EFCAB6: variants seen among roughly 807,000 people sequenced by gnomAD.
EFCAB6 encodes the protein EF-hand calcium-binding domain-containing protein 6.
A neutral mutation model predicts 169.8 loss-of-function variants in EFCAB6; 156 were observed. The ratio of observed to expected loss-of-function variants is 0.92; its 90% CI spans 0.81 to 1.05. The LOEUF (loss-of-function observed/expected upper bound fraction) is 1.05. EFCAB6 is among the 50% of genes least tolerant of loss of function. The pLI is 0.00. For missense variants in EFCAB6, 1,800 were observed against 1,829.1 expected, an observed-to-expected ratio of 0.98 and a Z score of 0.29; for synonymous variants, 698 against 676.4, an observed-to-expected ratio of 1.03 and a Z score of -0.50.
chr22:43,737,975 C>A (rs187000143), intron 6 of EFCAB6, among the ~76,000 whole-genome samples: 272 of 151,226 alleles, frequency 1.8e-3, no homozygotes, highest in Non-Finnish European at 5.9e-4. Context: ...CACTCACACA[C>A]ATATATTCGC....
At position 43,575,278 on chromosome 22, in the gene EFCAB6, C is replaced by A. The variant is rs1382326259; in HGVS notation, c.3420+1019G>T. On this transcript the variant is annotated intron_variant, in intron 26 of 31. Transcript: ENST00000262726. ...CAATCTCGGCTCACTGCAACCTCCG[C>A]CTCCTGGGTTCAGGTGATTCTCCAG... Among the ~76,000 whole-genome samples the A allele has an allele frequency of 2.0e-5, 3 of 151,964 alleles. No homozygotes were observed. In the East Asian group the frequency reaches 5.8e-4, roughly 29 times the overall value.
intron 23 of EFCAB6, among the ~76,000 whole-genome samples, chr22:43,593,464 A>G (rs2051727182): frequency 6.6e-6 from 1 of 152,228 alleles, no homozygotes; most frequent in East Asian, 1.9e-4. Context: ...AGAAGACACG[A>G]GTGGGTAATG....
intron 17 of EFCAB6, among the ~76,000 whole-genome samples, chr22:43,661,432 G>C (rs1480412191): frequency 2.6e-5 from 4 of 152,158 alleles, no homozygotes; most frequent in Non-Finnish European, 5.9e-5. Flanking sequence ...CTTTGGTGGA[G>C]AATTTCAGAA....
At chr22:43,675,662 A>G (rs2057724752) in intron 13 of EFCAB6, among the ~76,000 whole-genome samples, 1 of 146,946 alleles carries the variant, frequency 6.8e-6, no homozygotes, top group Admixed American at 6.9e-5. Flanking sequence ...ATAATATATA[A>G]TAATTCCATT....
chr22:43,630,885 T>C (rs545842232), intron 19 of EFCAB6, among the ~76,000 whole-genome samples: 1 of 150,814 alleles, frequency 6.6e-6, no homozygotes, highest in East Asian at 1.9e-4. Context: ...TGTATGCATA[T>C]GGCGATCATA....
intron 12 of EFCAB6, among the ~76,000 whole-genome samples, chr22:43,679,476 T>A (rs1431681489): frequency 1.3e-5 from 2 of 152,234 alleles, no homozygotes; most frequent in Non-Finnish European, 2.9e-5. Flanking sequence ...TGTGGACATG[T>A]TTTTATTTCT....
intron 24 of EFCAB6, 33 bp downstream of exon 24, chr22:43,590,041 A>C (rs764094067): frequency 3.4e-5 from 54 of 1,598,180 alleles, no homozygotes; most frequent in Non-Finnish European, 4.3e-5. Context: ...TTTCAGGGCC[A>C]TGAGAAACAT....
At chr22:43,789,212 T>C (rs1484183148) in intron 2 of EFCAB6, among the ~76,000 whole-genome samples, 1 of 152,190 alleles carries the variant, frequency 6.6e-6, no homozygotes, top group Non-Finnish European at 1.5e-5. Context: ...TTGCACAACT[T>C]TGTAAATATA....
chr22:43,551,010 C>A (rs1226807716), intron 27 of EFCAB6, among the ~76,000 whole-genome samples: 1 of 152,188 alleles, frequency 6.6e-6, no homozygotes, highest in African/African-American at 2.4e-5. Flanking sequence ...AAGCTGGCCC[C>A]TCACGTTCGT....
intron 30 of EFCAB6, chr22:43,533,566 G>T (rs1008838550): frequency 2.0e-4 from 31 of 152,322 alleles, no homozygotes; most frequent in African/African-American, 6.5e-4. Flanking sequence ...TTACTTTCAA[G>T]AAAATACATT....
intron 17 of EFCAB6, among the ~76,000 whole-genome samples, chr22:43,639,989 T>C (rs1276680259): frequency 6.6e-6 from 1 of 152,156 alleles, no homozygotes; most frequent in Non-Finnish European, 1.5e-5. Flanking sequence ...TTCCATATGG[T>C]TCTTCTTATA....
At position 43,530,845 on chromosome 22, in the gene EFCAB6, T is replaced by C. The variant is rs35982593; in HGVS notation, c.4353A>G (p.Thr1451=). 1.2e-3 allele frequency: 2,005 copies of C among 1,614,094 alleles called. 6 individuals are homozygous for C. The Middle Eastern group carries it at 0.013, about 11-fold the overall frequency. ...RTFKSYDEAG[T]GLLSVADFRT... ...TGAAATCTGCGACGCTTAGCAGCCC[T>C]GTTCCAGCCTCATCATAGCTTTTGA... is the stretch of plus-strand genomic sequence containing the variant. The change falls in exon 31 of 32, where the codon ACA becomes ACG. Residue 1451 remains threonine (T), a synonymous_variant. Coordinates refer to ENST00000262726, the MANE Select transcript of EFCAB6 (RefSeq NM_022785.4).
At chr22:43,784,676 T>TATGTGTGTATATATACACAC (rs1439765812) in intron 2 of EFCAB6, among the ~76,000 whole-genome samples, 5 of 63,134 alleles carry the variant, frequency 7.9e-5, no homozygotes, top group African/African-American at 2.7e-4. Flanking sequence ...TATACATATA[T>TATGTGTGTATATATACACAC]ACACACACAC....
chr22:43,622,009 A>G (rs1029742907), intron 20 of EFCAB6, among the ~76,000 whole-genome samples: 1 of 152,236 alleles, frequency 6.6e-6, no homozygotes. Flanking sequence ...GAATAATCCA[A>G]TAACTATTAA....
intron 6 of EFCAB6, among the ~76,000 whole-genome samples, chr22:43,740,668 G>A (rs1467902902): frequency 6.6e-6 from 1 of 152,178 alleles, no homozygotes; most frequent in East Asian, 1.9e-4. Flanking sequence ...CATGGCCTCA[G>A]TATCCAAAAC....
chr22:43,737,660 CACACACATATATTCAT>C (rs1202535903), intron 6 of EFCAB6, among the ~76,000 whole-genome samples: 3 of 150,266 alleles, frequency 2.0e-5, no homozygotes, highest in Non-Finnish European at 4.4e-5. Flanking sequence ...CCATCATTCA[CACACACATATATTCAT>C]ACACACCTGT....
intron 26 of EFCAB6, among the ~76,000 whole-genome samples, chr22:43,566,100 C>T (rs1055835208): frequency 6.6e-6 from 1 of 152,236 alleles, no homozygotes; most frequent in African/African-American, 2.4e-5. Flanking sequence ...ACCTCGCTGC[C>T]GGATCAAGAA....
intron 17 of EFCAB6, among the ~76,000 whole-genome samples, chr22:43,653,898 G>C (rs558675496): frequency 1.3e-5 from 2 of 152,148 alleles, no homozygotes; most frequent in South Asian, 2.1e-4. Flanking sequence ...GCAAATTAAA[G>C]CCAAAGTAGG....
chr22:43,767,632 C>T (rs535227553), intron 4 of EFCAB6, among the ~76,000 whole-genome samples: 1 of 152,280 alleles, frequency 6.6e-6, no homozygotes, highest in Admixed American at 6.5e-5. Flanking sequence ...AGAGGTATGG[C>T]CTCCCTGCCC....
Sources: gnomAD v4.1 joint callset for allele counts (sites outside exome capture counted in the v4.1 genomes callset) on GRCh38, gnomAD v4.1.1 for gene constraint, MANE v1.5 for transcripts, NCBI Gene and HGNC (gene_info 2026-07-23, HGNC 2026-07-21) for gene names.